The following SNAPC1 variants were observed in gnomAD, a reference collection of about 807,000 sequenced individuals.
SNAPC1 encodes snRNA-activating protein complex subunit 1.
Under a neutral mutation model 50.1 loss-of-function variants are expected in SNAPC1, and 42 were observed. The ratio of observed to expected loss-of-function variants is 0.84; its 90% CI spans 0.65 to 1.08. The LOEUF is 1.08. SNAPC1 is among the 50% of genes least tolerant of loss of function. SNAPC1 has a pLI of 0.00. For missense variants in SNAPC1, 477 were observed against 427.3 expected, an observed-to-expected ratio of 1.12 and a Z score of -1.02; for synonymous variants, 164 against 144.2, an observed-to-expected ratio of 1.14 and a Z score of -0.98.
intron 8 of SNAPC1, among the ~76,000 whole-genome samples, chr14:61,785,943 G>C (rs565517817): frequency 2.8e-4 from 42 of 151,542 alleles, no homozygotes; most frequent in African/African-American, 1.0e-3. Flanking sequence ...TTAGCTTAGT[G>C]ATTTTGGGGT....
intron 4 of SNAPC1, among the ~76,000 whole-genome samples, chr14:61,771,845 G>A (rs1441525278): frequency 6.6e-6 from 1 of 152,124 alleles, no homozygotes; most frequent in Non-Finnish European, 1.5e-5. Context: ...TTGTGTAGAG[G>A]AGAAATAGAA....
chr14:61,777,485 C>T (rs2045043181), intron 5 of SNAPC1, among the ~76,000 whole-genome samples: 1 of 152,202 alleles, frequency 6.6e-6, no homozygotes, highest in Non-Finnish European at 1.5e-5. Flanking sequence ...TTAAGTGATC[C>T]ACCCACCTCA....
At chr14:61,771,561 G>A (rs2044991754) in intron 4 of SNAPC1, among the ~76,000 whole-genome samples, 1 of 152,226 alleles carries the variant, frequency 6.6e-6, no homozygotes, top group Admixed American at 6.5e-5. Context: ...AGTACTTTGT[G>A]TAATAGAAGG....
chr14:61,776,611 C>G (rs755780358), intron 5 of SNAPC1, among the ~76,000 whole-genome samples: 1 of 152,142 alleles, frequency 6.6e-6, no homozygotes, highest in African/African-American at 2.4e-5. Flanking sequence ...TTGATTCTAA[C>G]ACTGTTTAAA....
At chr14:61,774,855 G>T (rs541175369) in intron 4 of SNAPC1, among the ~76,000 whole-genome samples, 16 of 151,950 alleles carry the variant, frequency 1.1e-4, no homozygotes, top group Non-Finnish European at 2.2e-4. Flanking sequence ...TAGAGACGGG[G>T]TTTCTCCATG....
intron 8 of SNAPC1, among the ~76,000 whole-genome samples, chr14:61,789,756 G>T (rs757507613): frequency 6.6e-6 from 1 of 152,162 alleles, no homozygotes; most frequent in African/African-American, 2.4e-5. Context: ...GGCCTTAAAT[G>T]TGGAATCAAG....
At chr14:61,794,900 T>A in intron 9 of SNAPC1, 49 bp from the exon 10 acceptor site, 4 of 1,350,992 alleles carry the variant, frequency 3.0e-6, no homozygotes, top group Non-Finnish European at 4.2e-6. Context: ...TTTTGTTTGT[T>A]TTTTTTTTGT....
intron 1 of SNAPC1, among the ~76,000 whole-genome samples, chr14:61,765,081 T>A (rs55892309): frequency 0.014 from 2,076 of 152,368 alleles, 28 homozygotes; most frequent in Admixed American, 0.023. Context: ...TGGCATTTTT[T>A]ATCTACTAAT....
At chr14:61,789,604 T>C (rs920473364) in intron 8 of SNAPC1, among the ~76,000 whole-genome samples, 2 of 152,012 alleles carry the variant, frequency 1.3e-5, no homozygotes, top group African/African-American at 4.8e-5. Flanking sequence ...CTCAGACAAG[T>C]AGAGGGGCTG....
intron 4 of SNAPC1, among the ~76,000 whole-genome samples, chr14:61,770,306 G>A (rs965039185): frequency 7.4e-5 from 11 of 148,942 alleles, no homozygotes; most frequent in Non-Finnish European, 1.5e-4. Flanking sequence ...GTAGTGGCAC[G>A]ATCTTGGCTT....
chr14:61,771,229 T>G (rs940931302), intron 4 of SNAPC1, among the ~76,000 whole-genome samples: 1 of 151,226 alleles, frequency 6.6e-6, no homozygotes, highest in Non-Finnish European at 1.5e-5. Context: ...TTCTACAACA[T>G]TTCTGCAAAA....
intron 5 of SNAPC1, among the ~76,000 whole-genome samples, chr14:61,776,701 G>C (rs2045037578): frequency 6.6e-6 from 1 of 152,180 alleles, no homozygotes; most frequent in Non-Finnish European, 1.5e-5. Context: ...TTAAAATTCA[G>C]AAGGTCTGGT....
chr14:61,775,800 G>T lies in SNAPC1; in HGVS notation c.535-295G>T, dbSNP rs560983209. On this transcript the variant is annotated intron_variant, in intron 4 of 9. Coordinates refer to ENST00000216294, the MANE Select transcript of SNAPC1 (RefSeq NM_003082.4). ...CAAATAATTGTGATATTCTAGAATG[G>T]AATTTTATGTTAACTGATTTGTCTT... is the stretch of plus-strand genomic sequence containing the variant. Among the ~76,000 whole-genome samples the T allele has an allele frequency of 5.3e-5, 8 of 152,278 alleles. No individual in the cohort carries two copies. In the East Asian group the frequency reaches 1.5e-3, roughly 29 times the overall value.
chr14:61,783,016 C>CTTTTTTTTTTTTTTTTTTTTTTTTTTTTT (rs1191462174), intron 8 of SNAPC1, among the ~76,000 whole-genome samples: 2 of 125,968 alleles, frequency 1.6e-5, no homozygotes, highest in African/African-American at 6.2e-5. Context: ...TTTTCCAGTG[C>CTTTTTTTTTTTTTTTTTTTTTTTTTTTTT]ATTTTTTTTT....
In SNAPC1 at chr14:61,792,706, C is replaced by G. The variant is rs542708457; in HGVS notation, c.977-101C>G. The G allele has an allele frequency of 2.3e-4, 133 of 590,478 alleles. No homozygotes were observed. In the East Asian group the frequency reaches 4.3e-3, roughly 19 times the overall value. 36.6% of individuals were successfully genotyped at this position (590,478 alleles called of 1,614,324 possible). A position where few individuals can be genotyped will look rare whatever the true frequency, so the allele number is the denominator to read the frequency against. Reference sequence around the variant, plus strand: ...CATTACAGTTTCAGTTTTTACATGTCTAATTTTTATGCTGTAATAATGACA... The same window carrying G: ...CATTACAGTTTCAGTTTTTACATGTGTAATTTTTATGCTGTAATAATGACA... On this transcript the variant is annotated intron_variant, in intron 8 of 9. Transcript: ENST00000216294.
At chr14:61,779,957 C>A (rs1454254312) in intron 7 of SNAPC1, among the ~76,000 whole-genome samples, 2 of 152,178 alleles carry the variant, frequency 1.3e-5, no homozygotes, top group Non-Finnish European at 2.9e-5. Context: ...GATCCACCTG[C>A]CTTGGCCTCC....
chr14:61,762,516 AG>A lies in SNAPC1; in HGVS notation c.58del (p.Glu20ArgfsTer17). 1 of 1,441,070 alleles carries A rather than the reference AG, an allele frequency of 6.9e-7. No individual in the cohort carries two copies. The highest frequency in any genetic ancestry group is 1.5e-5 in the South Asian group (1 of 65,572). The allele number at this position is 1,441,070 out of a possible 1,614,324, so 89.3% of individuals were successfully genotyped here. ...TGCGAGGCGCTGCTCAGCCGCTTCC[AG>A]GAGACGGACAGTGTACGCTTCGAGG... ...TDCEALLSRF[Q>X]ETDSVRFEDF... On this transcript the variant is annotated frameshift_variant, in exon 1 of 10. Transcript: ENST00000216294. LOFTEE classifies it high-confidence loss of function.
At chr14:61,773,778 C>T (rs1389809994) in intron 4 of SNAPC1, among the ~76,000 whole-genome samples, 1 of 150,422 alleles carries the variant, frequency 6.6e-6, no homozygotes, top group Non-Finnish European at 1.5e-5. Context: ...CGGCTCACTG[C>T]AGCCTCCACC....
intron 4 of SNAPC1, among the ~76,000 whole-genome samples, chr14:61,770,280 T>G (rs951730948): frequency 1.3e-5 from 2 of 151,396 alleles, no homozygotes; most frequent in Non-Finnish European, 1.5e-5. Flanking sequence ...TCTTCCTCTG[T>G]CACCCAGGCT....
Sources: gnomAD v4.1 joint callset for allele counts (sites outside exome capture counted in the v4.1 genomes callset) on GRCh38, gnomAD v4.1.1 for gene constraint, MANE v1.5 for transcripts, NCBI Gene and HGNC (gene_info 2026-07-23, HGNC 2026-07-21) for gene names.